XIRP2: variants seen among roughly 807,000 people sequenced by gnomAD.
XIRP2 encodes xin actin binding repeat containing 2.
A neutral mutation model predicts 277.0 loss-of-function variants in XIRP2; 236 were observed. The observed-to-expected ratio is 0.85, with a 90% CI of 0.77 to 0.95. XIRP2 has a LOEUF of 0.95. Ranked by LOEUF, XIRP2 falls within the 40% of genes least tolerant of loss-of-function variation. The pLI, the probability that XIRP2 is intolerant of heterozygous loss-of-function variation, is 0.00. For synonymous variants in XIRP2, 1,490 were observed against 1,416.5 expected (o/e 1.05, Z -1.17); for missense variants, 4,640 against 4,157.5 (o/e 1.12, Z -3.19).
At chr2:167,206,425 C>G (rs1254995386) in intron 3 of XIRP2, among the ~76,000 whole-genome samples, 1 of 152,128 alleles carries the variant, frequency 6.6e-6, no homozygotes, top group Non-Finnish European at 1.5e-5. Flanking sequence ...ATCCTATTTA[C>G]TGCCTTCAAT....
At chr2:167,220,609 C>T (rs920173325) in intron 5 of XIRP2, among the ~76,000 whole-genome samples, 2 of 152,096 alleles carry the variant, frequency 1.3e-5, no homozygotes, top group East Asian at 1.9e-4. Context: ...CAGGTTGTAG[C>T]AAAAGGAGTG....
intron 2 of XIRP2, among the ~76,000 whole-genome samples, chr2:167,010,321 T>A: frequency 6.6e-6 from 1 of 151,528 alleles, no homozygotes; most frequent in African/African-American, 2.4e-5. Flanking sequence ...ATTTATTAAA[T>A]AGGGAATCCT....
At chr2:167,231,875 C>T (rs1373546170) in intron 5 of XIRP2, among the ~76,000 whole-genome samples, 2 of 151,990 alleles carry the variant, frequency 1.3e-5, no homozygotes, top group Non-Finnish European at 2.9e-5. Flanking sequence ...CTATTGATAG[C>T]ATTGTCAGTG....
At chr2:167,215,586 G>A (rs1179243411) in intron 4 of XIRP2, among the ~76,000 whole-genome samples, 1 of 152,112 alleles carries the variant, frequency 6.6e-6, no homozygotes, top group Admixed American at 6.5e-5. Flanking sequence ...CCAGTCCATG[G>A]TATAGAAACC....
chr2:166,984,970 A>G (rs1463651959), intron 2 of XIRP2, among the ~76,000 whole-genome samples: 1 of 152,210 alleles, frequency 6.6e-6, no homozygotes, highest in Non-Finnish European at 1.5e-5. Flanking sequence ...AAGTGTTTAC[A>G]TATAGTCTTA....
intron 3 of XIRP2, among the ~76,000 whole-genome samples, chr2:167,164,390 C>G (rs113007846): frequency 0.11 from 14,730 of 138,690 alleles, 775 homozygotes; most frequent in Middle Eastern, 0.18. Flanking sequence ...AGCTTGCAGT[C>G]AGCCAAGATA....
At position 167,188,358 on chromosome 2, in the gene XIRP2, A is replaced by G. The variant is rs371746215; in HGVS notation, c.563-22377A>G. On this transcript the variant is annotated intron_variant, in intron 3 of 10. Transcript: ENST00000409195. Reference sequence around the variant, plus strand: ...CTTAAGACACCAACTAAAAGCAAGGACACTTTAAGATTACATAATACAGGG... The same window carrying G: ...CTTAAGACACCAACTAAAAGCAAGGGCACTTTAAGATTACATAATACAGGG... Among the ~76,000 whole-genome samples, 3 of 152,316 alleles carry G rather than the reference A, an allele frequency of 2.0e-5. No homozygotes were observed. The East Asian group carries it at 5.8e-4, about 29-fold the overall frequency.
rs1022758045 is a variant in XIRP2 at position 167,243,941 on chromosome 2, T to C, written c.2549T>C (p.Leu850Ser). 6.2e-7 allele frequency: 1 copy of C among 1,614,034 alleles called. No homozygotes were observed. Among genetic ancestry groups the C allele is most frequent in the Admixed American group, 1.7e-5 (1 of 60,010 alleles). Residue 850 changes from leucine to serine, a missense_variant, in exon 9 of 11, where the codon TTA becomes TCA. Coordinates refer to ENST00000409195, the MANE Select transcript of XIRP2 (RefSeq NM_152381.6). ...RKCWMFETQP[L>S]DILKEVPDAD... ...TGTTGGATGTTTGAAACCCAGCCAT[T>C]AGACATTCTAAAAGAAGTTCCTGAT... is the stretch of plus-strand genomic sequence containing the variant.
chr2:167,162,547 G>A (rs1009959525), intron 3 of XIRP2, among the ~76,000 whole-genome samples: 1 of 152,124 alleles, frequency 6.6e-6, no homozygotes, highest in Admixed American at 6.5e-5. Flanking sequence ...AGAACAGCAT[G>A]GGAAAGGCCT....
intron 2 of XIRP2, among the ~76,000 whole-genome samples, chr2:167,069,164 G>A (rs1342993439): frequency 5.3e-5 from 8 of 152,106 alleles, no homozygotes; most frequent in Non-Finnish European, 1.2e-4. Flanking sequence ...ACCTAATACA[G>A]TGCCTACACA....
In XIRP2 at chr2:167,000,869, A is replaced by C. The variant is rs181004503; in HGVS notation, c.408+96979A>C. Among the ~76,000 whole-genome samples the C allele has an allele frequency of 4.2e-3, 641 of 152,272 alleles. 6 individuals carry two copies. Among genetic ancestry groups the C allele is most frequent in the African/African-American group, 0.015 (621 of 41,558 alleles). ...CATATCTTATTCAAATAATGGAAAT[A>C]GTAAAGAATACAATGGATATAAGAA... On this transcript the variant is annotated intron_variant, in intron 2 of 10. Coordinates refer to ENST00000409195, the MANE Select transcript of XIRP2 (RefSeq NM_152381.6).
In XIRP2 at chr2:167,248,347, T is replaced by C. The variant is rs1163808592; in HGVS notation, c.6955T>C (p.Phe2319Leu). The C allele has an allele frequency of 3.7e-6, 6 of 1,613,534 alleles. No individual in the cohort carries two copies. The highest frequency in any genetic ancestry group is 5.1e-6 in the Non-Finnish European group (6 of 1,179,752). The change falls in exon 9 of 11, where the codon TTT becomes CTT. Residue 2319 changes from phenylalanine to leucine, a missense_variant. Coordinates refer to ENST00000409195, the MANE Select transcript of XIRP2 (RefSeq NM_152381.6). The stretch of plus-strand genomic sequence containing the variant: ...TCCTCCTCCACCTCCTTTGATGATG[T>C]TTCCTGAAAAAAATGGGTTTCTTCC... Reference protein sequence around the residue: ...PLPPPPPLMMFPEKNGFLPSL... With the variant: ...PLPPPPPLMMLPEKNGFLPSL...
intron 1 of XIRP2, among the ~76,000 whole-genome samples, chr2:166,897,780 C>A (rs771691938): frequency 6.6e-6 from 1 of 152,132 alleles, no homozygotes; most frequent in Non-Finnish European, 1.5e-5. Flanking sequence ...AATAGACCAC[C>A]TTTCAGAGGC....
At chr2:167,030,390 C>T (rs775171540) in intron 2 of XIRP2, among the ~76,000 whole-genome samples, 2 of 151,858 alleles carry the variant, frequency 1.3e-5, no homozygotes, top group Non-Finnish European at 2.9e-5. Flanking sequence ...TTTATCTGGG[C>T]CGTAGATATT....
intron 2 of XIRP2, among the ~76,000 whole-genome samples, chr2:167,016,028 A>G (rs1687819346): frequency 6.6e-6 from 1 of 151,750 alleles, no homozygotes; most frequent in South Asian, 2.1e-4. Context: ...AATTCATTAT[A>G]TCTGGTGTCC....
intron 3 of XIRP2, among the ~76,000 whole-genome samples, chr2:167,166,914 T>C (rs1692538555): frequency 6.6e-6 from 1 of 152,234 alleles, no homozygotes; most frequent in African/African-American, 2.4e-5. Context: ...CTGCTGGATC[T>C]GTCCATTTGT....
chr2:167,186,371 T>C (rs150215318), intron 3 of XIRP2, among the ~76,000 whole-genome samples: 189 of 152,320 alleles, frequency 1.2e-3, no homozygotes, highest in African/African-American at 4.3e-3. Context: ...GTAAGTATTA[T>C]AGTAAACAGC....
intron 3 of XIRP2, among the ~76,000 whole-genome samples, chr2:167,151,220 T>C (rs1241661522): frequency 6.6e-6 from 1 of 152,136 alleles, no homozygotes; most frequent in African/African-American, 2.4e-5. Context: ...ATCAGCCTTA[T>C]AGGATGCAGT....
chr2:166,899,223 T>C (rs1172382663), intron 1 of XIRP2, among the ~76,000 whole-genome samples: 1 of 152,118 alleles, frequency 6.6e-6, no homozygotes, highest in Non-Finnish European at 1.5e-5. Flanking sequence ...ACATAAAGCT[T>C]ATCACAGTCT....
Sources: allele counts gnomAD v4.1 joint callset (sites outside exome capture counted in the v4.1 genomes callset), GRCh38; gene constraint gnomAD v4.1.1; transcripts MANE v1.5; gene names NCBI Gene and HGNC (gene_info 2026-07-23, HGNC 2026-07-21).